The following ZFP62 variants were observed in gnomAD, a reference collection of about 807,000 sequenced individuals.
ZFP62 encodes zinc finger protein 62 homolog.
In ZFP62, 44 loss-of-function variants were observed where a neutral mutation model predicts 56.4. That is an observed-to-expected ratio of 0.78 (90% CI 0.61 to 1.00). ZFP62 has a LOEUF of 1.00. Ranked by LOEUF, ZFP62 falls within the 50% of genes least tolerant of loss-of-function variation. The probability of loss-of-function intolerance (pLI) is 0.00; values close to 1 mark genes in which losing one functional copy is unlikely to be tolerated. For missense variants in ZFP62, 1,030 were observed against 1,085.7 expected, an observed-to-expected ratio of 0.95 and a Z score of 0.72; for synonymous variants, 421 against 388.9, an observed-to-expected ratio of 1.08 and a Z score of -0.97.
At chr5:180,842,157 G>T in the ZFP62 span, among the ~76,000 whole-genome samples, 2 of 152,192 alleles carry the variant, frequency 1.3e-5, no homozygotes, top group Non-Finnish European at 2.9e-5. Flanking sequence ...GAAACTTAGT[G>T]AACTGGAAGG....
chr5:180,856,057 T>C (rs550257760), intron 1 of ZFP62, among the ~76,000 whole-genome samples: 150 of 152,234 alleles, frequency 9.9e-4, no homozygotes, highest in Non-Finnish European at 1.9e-3. Context: ...ATTCGTTTTC[T>C]TCCTGTCCTC....
In ZFP62 at chr5:180,849,265, G is replaced by T; in HGVS notation, c.2230C>A (p.Leu744Ile). 1 of 1,554,344 alleles carries T rather than the reference G, an allele frequency of 6.4e-7. No homozygotes were observed. Residue 744 changes from leucine (L) to isoleucine (I), a missense_variant, in exon 2 of 2, where the codon CTT becomes ATT. By Grantham distance (5) the Leu-to-Ile change is conservative (BLOSUM62 2). Coordinates refer to ENST00000502412, the MANE Select transcript of ZFP62 (RefSeq NM_001172638.2). ...CGKSFSYSSL[L>I]SQHKRIHTGE... ...GTGTGGATCCTCTTGTGCTGAGAAA[G>T]GAGAGAGCTGTAACTGAAAGATTTC...
the ZFP62 span, among the ~76,000 whole-genome samples, chr5:180,840,418 T>G: frequency 6.6e-6 from 1 of 152,078 alleles, no homozygotes; most frequent in South Asian, 2.1e-4. Context: ...ATTCTAGGTG[T>G]GGGTAGAGAT....
In ZFP62 at chr5:180,861,244, C is replaced by T; in HGVS notation, c.-25G>A. 1 of 397,786 alleles carries T rather than the reference C, an allele frequency of 2.5e-6. No homozygotes were observed. The highest frequency in any genetic ancestry group is 2.1e-5 in the African/African-American group (1 of 48,692). 24.6% of individuals were successfully genotyped at this position (397,786 alleles called of 1,614,324 possible). ...TGGCTGTGGCGGCGCCGCGGGAACC[C>T]GGCCGCCAGCGGGACAAAAGCGCGG... On this transcript the variant is annotated 5_prime_UTR_variant, in exon 1 of 2. Coordinates refer to ENST00000502412, the MANE Select transcript of ZFP62 (RefSeq NM_001172638.2).
the ZFP62 span, chr5:180,832,557 T>G: frequency 9.2e-5 from 14 of 152,370 alleles, no homozygotes; most frequent in African/African-American, 3.4e-4. Context: ...AATACAGCCA[T>G]GCTTGATAAT....
downstream of ZFP62, chr5:180,845,946 T>C (rs906169410): frequency 8.0e-6 from 6 of 750,032 alleles, no homozygotes; most frequent in African/African-American, 1.9e-5. Flanking sequence ...TGCACTCCTA[T>C]GGAAGGCTAT....
chr5:180,853,028 A>G (rs1005500349), intron 1 of ZFP62, among the ~76,000 whole-genome samples: 7 of 152,236 alleles, frequency 4.6e-5, no homozygotes, highest in African/African-American at 9.6e-5. Context: ...GAATTTGCCA[A>G]TATCTATCAA....
Position 180,848,433 on chromosome 5 carries a change from T to A in ZFP62, c.*359A>T. 1 of 1,011,718 alleles carries A rather than the reference T, an allele frequency of 9.9e-7. No individual in the cohort carries two copies. Among genetic ancestry groups the A allele is most frequent in the Non-Finnish European group, 1.2e-6 (1 of 847,288 alleles). The allele number at this position is 1,011,718 out of a possible 1,614,324, so 62.7% of individuals were successfully genotyped here. A position where few individuals can be genotyped will look rare whatever the true frequency, so the allele number is the denominator to read the frequency against. On this transcript the variant is annotated 3_prime_UTR_variant, in exon 2 of 2. Coordinates refer to ENST00000502412, the MANE Select transcript of ZFP62 (RefSeq NM_001172638.2). ...TTCCTACATTTCTAGTAACAGAATT[T>A]ACCAAACATGAACTTTCTGATGGTG...
the ZFP62 span, chr5:180,830,789 G>C: frequency 1.3e-5 from 2 of 151,730 alleles, no homozygotes; most frequent in Admixed American, 1.3e-4. Context: ...ACAGGGAAGA[G>C]GGTCCCGCGT....
At chr5:180,858,090 T>TA (rs35177299) in intron 1 of ZFP62, among the ~76,000 whole-genome samples, 6,135 of 127,722 alleles carry the variant, frequency 0.048, 193 homozygotes, top group South Asian at 0.11. Flanking sequence ...CCATCTCTAC[T>TA]AAAAAAAAAA....
At chr5:180,844,534 T>C (rs938028968), downstream of ZFP62, among the ~76,000 whole-genome samples, 1 of 152,116 alleles carries the variant, frequency 6.6e-6, no homozygotes, top group African/African-American at 2.4e-5. Context: ...CATCTGAATA[T>C]TGCTGGGAAA....
intron 1 of ZFP62, among the ~76,000 whole-genome samples, chr5:180,860,253 G>C (rs1398752223): frequency 1.3e-5 from 2 of 152,184 alleles, no homozygotes; most frequent in African/African-American, 4.8e-5. Context: ...GTAGGGCCTA[G>C]GAAGATACCT....
chr5:180,845,952 G>T, downstream of ZFP62: 2 of 687,910 alleles, frequency 2.9e-6, no homozygotes, highest in Non-Finnish European at 3.6e-6. Flanking sequence ...CCTATGGAAG[G>T]CTATTCCATA....
In ZFP62 at chr5:180,850,850, G is replaced by A; in HGVS notation, c.645C>T (p.His215=). The change falls in exon 2 of 2, where the codon CAC becomes CAT. Residue 215 remains histidine, a synonymous_variant. Transcript: ENST00000502412. ...AYMSYSSLIN[H]KSTHSGEKNC... ...TCTTCTCCCCAGAATGGGTGCTTTT[G>A]TGGTTTATAAGGCTGGAGTAGGACA... 3 of 1,563,528 alleles carry A rather than the reference G, an allele frequency of 1.9e-6. No individual in the cohort carries two copies. The highest frequency in any genetic ancestry group is 2.6e-6 in the Non-Finnish European group (3 of 1,154,102).
At position 180,849,345 on chromosome 5, in the gene ZFP62, A is replaced by G. The variant is rs143071020; in HGVS notation, c.2150T>C (p.Ile717Thr). Residue 717 changes from isoleucine to threonine, a missense_variant, in exon 2 of 2, where the codon ATA becomes ACA. Coordinates refer to ENST00000502412, the MANE Select transcript of ZFP62 (RefSeq NM_001172638.2). ...CCCAAGATGGACTCTTTTATGGCTT[A>G]TAAGAGTTCTGCTTGAGAAAAAAGC... is the stretch of plus-strand genomic sequence containing the variant. ...GKAFFSSRTL[I>T]SHKRVHLGEK... 3,428 of 1,551,126 alleles carry G rather than the reference A, an allele frequency of 2.2e-3. 50 individuals carry two copies. The African/African-American group carries it at 0.034, about 15-fold the overall frequency.
the ZFP62 span, among the ~76,000 whole-genome samples, chr5:180,837,724 T>C: frequency 6.6e-6 from 1 of 152,246 alleles, no homozygotes; most frequent in Non-Finnish European, 1.5e-5. Context: ...AAGACTCTTC[T>C]GGGATGAATT....
At position 180,849,562 on chromosome 5, in the gene ZFP62, A is replaced by G; in HGVS notation, c.1933T>C (p.Tyr645His). 2.6e-6 allele frequency: 4 copies of G among 1,552,220 alleles called. No homozygotes were observed. Among genetic ancestry groups the G allele is most frequent in the Non-Finnish European group, 3.5e-6 (4 of 1,147,130 alleles). Residue 645 changes from tyrosine (Y) to histidine (H), a missense_variant, in exon 2 of 2, where the codon TAT becomes CAT. By Grantham distance (83) the Tyr-to-His change is moderately conservative. Transcript: ENST00000502412. ...HRRVHTREKP[Y>H]ECDRCEKVFR... ...ACCTTCTCACACCTGTCACATTCATAGGGTTTCTCTCTAGTGTGGACCCTT... is the reference window on the plus strand; with the variant it reads ...ACCTTCTCACACCTGTCACATTCATGGGGTTTCTCTCTAGTGTGGACCCTT...
chr5:180,850,883 T>C lies in ZFP62; in HGVS notation c.612A>G (p.Lys204=), dbSNP rs1773661366. Residue 204 remains lysine, a synonymous_variant, in exon 2 of 2, where the codon AAA becomes AAG. Transcript: ENST00000502412. ...TAAGGCTGGAGTAGGACATGTAGGC[T>C]TTCCCACATTCCTCACACTTGTACG... is the stretch of plus-strand genomic sequence containing the variant. The part of the protein sequence containing the change: ...EKPYKCEECG[K]AYMSYSSLIN... The C allele has an allele frequency of 1.3e-6, 2 of 1,565,552 alleles. No homozygotes were observed. The highest frequency in any genetic ancestry group is 1.7e-6 in the Non-Finnish European group (2 of 1,155,500).
intron 1 of ZFP62, among the ~76,000 whole-genome samples, chr5:180,855,564 C>T (rs1773927883): frequency 6.6e-6 from 1 of 152,238 alleles, no homozygotes; most frequent in African/African-American, 2.4e-5. Flanking sequence ...CCAGCACTCC[C>T]ACACACCGTC....
Sources: gnomAD v4.1 joint callset for allele counts (sites outside exome capture counted in the v4.1 genomes callset) on GRCh38, gnomAD v4.1.1 for gene constraint, MANE v1.5 for transcripts, NCBI Gene and HGNC (gene_info 2026-07-23, HGNC 2026-07-21) for gene names.